Variants in CDH22 observed in about 807,000 individuals in gnomAD.
The protein encoded by CDH22 is cadherin 22.
CDH22 carries 30 observed loss-of-function variants against 58.4 expected under a neutral mutation model. The observed-to-expected ratio is 0.51, with a 90% CI of 0.38 to 0.70. The LOEUF is 0.70. Among genes scored for constraint, CDH22 ranks in the 30% least tolerant of loss-of-function variants. The pLI is 0.00. For missense variants in CDH22, 1,014 were observed against 1,233.9 expected (o/e 0.82, Z 2.67); for synonymous variants, 513 against 558.2 (o/e 0.92, Z 1.14).
At chr20:46,307,807 G>A (rs2059030709) in intron 1 of CDH22, among the ~76,000 whole-genome samples, 2 of 151,992 alleles carry the variant, frequency 1.3e-5, no homozygotes, top group African/African-American at 2.4e-5. Flanking sequence ...CCGGGGAGCC[G>A]AGCCCCGCTA....
intron 4 of CDH22, among the ~76,000 whole-genome samples, chr20:46,223,823 TTCCTTCCTTC>T (rs2086151552): frequency 9.2e-4 from 6 of 6,520 alleles, no homozygotes; most frequent in South Asian, 6.8e-3. Context: ...CCTTTCTTCC[TTCCTTCCTTC>T]CTTCCTTCCT....
intron 1 of CDH22, among the ~76,000 whole-genome samples, chr20:46,301,710 C>G (rs964061196): frequency 6.6e-6 from 1 of 151,884 alleles, no homozygotes; most frequent in Non-Finnish European, 1.5e-5. Flanking sequence ...ACTCGGGAGG[C>G]TGAGGGAGGA....
intron 3 of CDH22, among the ~76,000 whole-genome samples, chr20:46,228,166 A>C (rs2086193485): frequency 6.7e-6 from 1 of 149,896 alleles, no homozygotes; most frequent in African/African-American, 2.5e-5. Context: ...TCCCCGCATG[A>C]TGGTGGTAGG....
chr20:46,308,120 C>T lies in CDH22; in HGVS notation c.-400+135G>A, dbSNP rs1377238992. 1 of 151,198 alleles carries T rather than the reference C, an allele frequency of 6.6e-6. No individual in the cohort carries two copies. Among genetic ancestry groups the T allele is most frequent in the Non-Finnish European group, 1.5e-5 (1 of 67,684 alleles). The allele number at this position is 151,198 out of a possible 1,614,324, so 9.4% of individuals were successfully genotyped here. A position where few individuals can be genotyped will look rare whatever the true frequency, so the allele number is the denominator to read the frequency against. ...AGGGCCGGGCGCAGGCACCCCGGCTCCTCCTGCGGCTGGAGGCTCGCCCCC... is the reference window on the plus strand; with the variant it reads ...AGGGCCGGGCGCAGGCACCCCGGCTTCTCCTGCGGCTGGAGGCTCGCCCCC... On this transcript the variant is annotated intron_variant, in intron 1 of 11. Transcript: ENST00000537909. The surrounding 1 kb of genome is among the most constrained non-coding windows in gnomAD (Gnocchi z 4.3).
At chr20:46,298,095 A>T (rs1319144707) in intron 1 of CDH22, among the ~76,000 whole-genome samples, 1 of 152,204 alleles carries the variant, frequency 6.6e-6, no homozygotes, top group Non-Finnish European at 1.5e-5. Context: ...TCAGATCGGT[A>T]CTTCAGACAC....
intron 1 of CDH22, among the ~76,000 whole-genome samples, chr20:46,253,364 G>A (rs1172611940): frequency 6.6e-6 from 1 of 152,194 alleles, no homozygotes; most frequent in Non-Finnish European, 1.5e-5. Context: ...AAGGGGTTAA[G>A]CTGTAGTTCT....
Position 46,174,885 on chromosome 20 carries a change from C to T in CDH22, c.2108G>A (p.Gly703Asp), listed in dbSNP as rs1467263784. 1 of 1,402,078 alleles carries T rather than the reference C, an allele frequency of 7.1e-7. No individual in the cohort carries two copies. The highest frequency in any genetic ancestry group is 9.3e-7 in the Non-Finnish European group (1 of 1,074,182). The allele number at this position is 1,402,078 out of a possible 1,614,324, so 86.9% of individuals were successfully genotyped here. A position where few individuals can be genotyped will look rare whatever the true frequency, so the allele number is the denominator to read the frequency against. ...GCCCGCTCCCCCGCCCGCGCTGCCG[C>T]CCCCGTCGCCGCCCTTGAGCTCGCC... is the stretch of plus-strand genomic sequence containing the variant. ...DFGELKGGDG[G>D]GSAGGGAGGG... Residue 703 changes from glycine (G) to aspartate (D), a missense_variant, in exon 12 of 12, where the codon GGC (glycine) becomes GAC (aspartate). Gly to Asp is a moderately conservative substitution (Grantham distance 94). Coordinates refer to ENST00000537909, the MANE Select transcript of CDH22 (RefSeq NM_021248.3). The surrounding 1 kb of genome is among the most constrained non-coding windows in gnomAD (Gnocchi z 4.4).
chr20:46,248,845 C>A (rs1178607669), intron 2 of CDH22, among the ~76,000 whole-genome samples: 2 of 152,144 alleles, frequency 1.3e-5, no homozygotes, highest in East Asian at 3.8e-4. Flanking sequence ...ACAACAACAA[C>A]AACAAACACT....
chr20:46,235,837 C>G (rs957245865), intron 3 of CDH22, among the ~76,000 whole-genome samples: 2 of 152,198 alleles, frequency 1.3e-5, no homozygotes, highest in Non-Finnish European at 2.9e-5. Flanking sequence ...ACCTTGCCTC[C>G]TACAGTCTAT....
At chr20:46,203,376 G>T (rs888668615) in intron 7 of CDH22, among the ~76,000 whole-genome samples, 2 of 152,078 alleles carry the variant, frequency 1.3e-5, no homozygotes, top group South Asian at 2.1e-4. Context: ...TGTAGTGCTC[G>T]CATGGGTTGT....
intron 4 of CDH22, among the ~76,000 whole-genome samples, chr20:46,225,463 G>C (rs932031618): frequency 3.9e-5 from 6 of 152,172 alleles, no homozygotes; most frequent in African/African-American, 1.4e-4. Context: ...CGTGTGTATA[G>C]TGTGTTTATA....
Position 46,177,926 on chromosome 20 carries a change from G to T in CDH22, c.1915+20C>A. 6.2e-7 allele frequency: 1 copy of T among 1,611,676 alleles called. No individual in the cohort carries two copies. The highest frequency in any genetic ancestry group is 8.5e-7 in the Non-Finnish European group (1 of 1,178,446). ...GATGGGGCCAATCAGGCAGGGCTGG[G>T]TGGCTCTCGATGGACTCACCAACCA... On this transcript the variant is annotated intron_variant, in intron 11 of 11. Coordinates refer to ENST00000537909, the MANE Select transcript of CDH22 (RefSeq NM_021248.3).
intron 2 of CDH22, among the ~76,000 whole-genome samples, chr20:46,250,312 GAC>G (rs2086361807): frequency 6.6e-6 from 1 of 152,230 alleles, no homozygotes; most frequent in Non-Finnish European, 1.5e-5. Flanking sequence ...TAATAGAAAA[GAC>G]ACACATTAAT....
At chr20:46,270,442 C>T in intron 1 of CDH22, among the ~76,000 whole-genome samples, 1 of 152,110 alleles carries the variant, frequency 6.6e-6, no homozygotes, top group East Asian at 1.9e-4. Flanking sequence ...TATCCCCTCT[C>T]CTGACAAGCG....
chr20:46,303,017 T>G (rs73908677), intron 1 of CDH22, among the ~76,000 whole-genome samples: 4,516 of 152,210 alleles, frequency 0.03, 143 homozygotes, highest in East Asian at 0.087. Flanking sequence ...ATGAGGCTTC[T>G]AATGGCGAAT....
chr20:46,229,135 G>A (rs1312826171), intron 3 of CDH22, among the ~76,000 whole-genome samples: 1 of 152,120 alleles, frequency 6.6e-6, no homozygotes, highest in East Asian at 1.9e-4. Context: ...CCAGATGCTG[G>A]TGCCCAGGGG....
chr20:46,222,803 C>T (rs1246847198), intron 4 of CDH22, among the ~76,000 whole-genome samples: 1 of 152,280 alleles, frequency 6.6e-6, no homozygotes, highest in Non-Finnish European at 1.5e-5. Flanking sequence ...AAGTTAATTC[C>T]TCCTCTGGCA....
chr20:46,243,709 T>C (rs916790983), intron 2 of CDH22, among the ~76,000 whole-genome samples: 6 of 152,170 alleles, frequency 3.9e-5, no homozygotes, highest in Non-Finnish European at 7.4e-5. Flanking sequence ...CTGTTCCCTT[T>C]TGGGGTGCCT....
intron 8 of CDH22, among the ~76,000 whole-genome samples, chr20:46,193,222 G>C (rs2085874681): frequency 2.0e-5 from 3 of 152,124 alleles, no homozygotes; most frequent in African/African-American, 7.2e-5. Flanking sequence ...GGGTCCGTTA[G>C]GGACTCAAGG....
Sources: gnomAD v4.1 joint callset for allele counts (sites outside exome capture counted in the v4.1 genomes callset) on GRCh38, gnomAD v4.1.1 for gene constraint, Gnocchi (gnomAD v3.1) non-coding constraint, MANE v1.5 for transcripts, NCBI Gene and HGNC (gene_info 2026-07-23, HGNC 2026-07-21) for gene names.